GRM2: variants seen among roughly 807,000 people sequenced by gnomAD.
GRM2 encodes glutamate metabotropic receptor 2.
A neutral mutation model predicts 60.4 loss-of-function variants in GRM2; 35 were observed. That is an observed-to-expected ratio of 0.58 (90% confidence interval 0.44 to 0.77). GRM2 has a LOEUF of 0.77. GRM2 is among the 30% of genes least tolerant of loss of function. The pLI is 0.00. For synonymous variants in GRM2, 437 were observed against 484.1 expected (o/e 0.90, Z 1.28); for missense variants, 925 against 1,199.5 (o/e 0.77, Z 3.38).
At position 51,713,439 on chromosome 3, in the gene GRM2, C is replaced by G. The variant is rs1703795954; in HGVS notation, c.1288+129C>G. ...GTAAAGGACTCACCTGGGGTGGCGT[C>G]AGAGCAAGGGCAAGGATGCTAGGCA... On this transcript the variant is annotated intron_variant, in intron 3 of 5. Coordinates refer to ENST00000395052, the MANE Select transcript of GRM2 (RefSeq NM_000839.5). This position sits in a 1 kb window ranked among gnomAD's most constrained non-coding sequence, Gnocchi z 4.8. 1 of 687,518 alleles carries G rather than the reference C, an allele frequency of 1.5e-6. No homozygotes were observed. The allele number at this position is 687,518 out of a possible 1,614,324, so 42.6% of individuals were successfully genotyped here.
intron 2 of GRM2, among the ~76,000 whole-genome samples, chr3:51,710,618 T>G (rs1056352542): frequency 1.7e-5 from 2 of 120,344 alleles, no homozygotes; most frequent in Non-Finnish European, 3.2e-5. Flanking sequence ...AGAAGGAAGA[T>G]AAACAGAATA....
In GRM2 at chr3:51,717,027, A is replaced by T. The variant is rs1318193310; in HGVS notation, c.2365-610A>T. On this transcript the variant is annotated intron_variant, in intron 4 of 5. Transcript: ENST00000395052. The surrounding 1 kb of genome is among the most constrained non-coding windows in gnomAD (Gnocchi z 6.0). Reference sequence around the variant, plus strand: ...AGGGCTGGGGAGGGATTCTGCTCTGACTCAGCCTGCATTTGCATATGATTT... The same window carrying T: ...AGGGCTGGGGAGGGATTCTGCTCTGTCTCAGCCTGCATTTGCATATGATTT... Among the ~76,000 whole-genome samples, 1 of 151,566 alleles carries T rather than the reference A, an allele frequency of 6.6e-6. No individual in the cohort carries two copies.
Position 51,716,123 on chromosome 3 carries a change from T to C in GRM2, c.2350T>C (p.Ser784Pro). The C allele has an allele frequency of 6.2e-7, 1 of 1,607,330 alleles. No individual in the cohort carries two copies. Residue 784 changes from serine to proline, a missense_variant, in exon 4 of 6, where the codon TCC becomes CCC. Physicochemically the swap from Ser to Pro is moderately conservative, Grantham distance 74. Transcript: ENST00000395052. The surrounding 1 kb of genome is among the most constrained non-coding windows in gnomAD (Gnocchi z 4.0). ...LAFLPIFYVT[S>P]SDYRVQTTTM... is the part of the protein sequence containing the mutation. ...ATTCCTGCCCATCTTCTATGTCACC[T>C]CCAGTGACTACCGGGTGAGCTACCT...
In GRM2 at chr3:51,712,945, A is replaced by G. The variant is rs774486355; in HGVS notation, c.923A>G (p.Glu308Gly). Residue 308 changes from glutamate to glycine, a missense_variant, in exon 3 of 6, where the codon GAG becomes GGG. Transcript: ENST00000395052. The surrounding 1 kb of genome is among the most constrained non-coding windows in gnomAD (Gnocchi z 5.3). The stretch of plus-strand genomic sequence containing the variant: ...CTGGAGAGTGTGGTGGCAGGCAGTG[A>G]GGGGGCTGCTGAGGGTGCTATCACC... ...GALESVVAGS[E>G]GAAEGAITIE... The G allele has an allele frequency of 3.7e-6, 6 of 1,612,868 alleles. No homozygotes were observed. The highest frequency in any genetic ancestry group is 1.3e-5 in the African/African-American group (1 of 74,918).
At chr3:51,711,287 C>T (rs1189179800) in intron 2 of GRM2, 1 of 152,342 alleles carries the variant, frequency 6.6e-6, no homozygotes, top group Non-Finnish European at 1.5e-5. Flanking sequence ...GCTGTGCTAG[C>T]ATCTATTTCT....
Position 51,713,594 on chromosome 3 carries a change from A to G in GRM2, c.1288+284A>G. ...CTTGCCCACTGTCTTCTGTCTCCTT[A>G]TCTTGCCAAAGGTGGAGACCAGGAG... On this transcript the variant is annotated intron_variant, in intron 3 of 5. Coordinates refer to ENST00000395052, the MANE Select transcript of GRM2 (RefSeq NM_000839.5). This position sits in a 1 kb window ranked among gnomAD's most constrained non-coding sequence, Gnocchi z 4.8. 1 of 432,552 alleles carries G rather than the reference A, an allele frequency of 2.3e-6. No individual in the cohort carries two copies. Among genetic ancestry groups the G allele is most frequent in the Non-Finnish European group, 4.1e-6 (1 of 241,180 alleles). 26.8% of individuals were successfully genotyped at this position (432,552 alleles called of 1,614,324 possible).
In GRM2 at chr3:51,712,775, G is replaced by A. The variant is rs770537781; in HGVS notation, c.753G>A (p.Glu251=). ...GTGCCATGAGCCGCGCGGCCTTTGAGGGTGTGGTGCGAGCCCTGCTGCAGA... is the reference window on the plus strand; with the variant it reads ...GTGCCATGAGCCGCGCGGCCTTTGAAGGTGTGGTGCGAGCCCTGCTGCAGA... ...VGRAMSRAAF[E]GVVRALLQKP... Residue 251 remains glutamate, a synonymous_variant, in exon 3 of 6, where the codon GAG becomes GAA. Coordinates refer to ENST00000395052, the MANE Select transcript of GRM2 (RefSeq NM_000839.5). This position sits in a 1 kb window ranked among gnomAD's most constrained non-coding sequence, Gnocchi z 5.3. 1 of 1,613,256 alleles carries A rather than the reference G, an allele frequency of 6.2e-7. No homozygotes were observed. The highest frequency in any genetic ancestry group is 8.5e-7 in the Non-Finnish European group (1 of 1,180,050).
chr3:51,715,853 G>A lies in GRM2; in HGVS notation c.2080G>A (p.Val694Met), dbSNP rs373228394. ...ACTTATCTCGGGCCAGCTGCTCATC[G>A]TGGTCGCCTGGCTGGTGGTGGAGGC... ...LALISGQLLI[V>M]VAWLVVEAPG... Residue 694 changes from valine (V) to methionine (M), a missense_variant, in exon 4 of 6, where the codon GTG becomes ATG. Transcript: ENST00000395052. This position sits in a 1 kb window ranked among gnomAD's most constrained non-coding sequence, Gnocchi z 9.0. 2.7e-5 allele frequency: 44 copies of A among 1,613,220 alleles called. No individual in the cohort carries two copies. The highest frequency in any genetic ancestry group is 3.3e-4 in the Middle Eastern group (2 of 6,062).
chr3:51,709,668 TCACA>T (rs55878240), intron 2 of GRM2, among the ~76,000 whole-genome samples: 20 of 55,630 alleles, frequency 3.6e-4, no homozygotes, highest in Admixed American at 6.5e-4. Context: ...ACACACACCC[TCACA>T]CACACACACA....
In GRM2 at chr3:51,715,628, A is replaced by C. The variant is rs1051984893; in HGVS notation, c.1855A>C (p.Met619Leu). 6.2e-7 allele frequency: 1 copy of C among 1,614,244 alleles called. No individual in the cohort carries two copies. The highest frequency in any genetic ancestry group is 1.3e-5 in the African/African-American group (1 of 75,078). ...LLGGVFLCYC[M>L]TFIFIAKPST... is the part of the protein sequence containing the mutation. ...GGGTGGTGTCTTCCTCTGCTACTGC[A>C]TGACCTTCATCTTCATTGCCAAGCC... Residue 619 changes from methionine to leucine, a missense_variant, in exon 4 of 6, where the codon ATG (methionine) becomes CTG (leucine). Transcript: ENST00000395052. This position sits in a 1 kb window ranked among gnomAD's most constrained non-coding sequence, Gnocchi z 9.0.
rs936076407 is a variant in GRM2 at position 51,713,042 on chromosome 3, C to T, written c.1020C>T (p.Ser340=). ...AGAGCCTGGACCCTTGGAACAACAGCCGGAACCCCTGGTTCCGTGAATTCT... is the reference window on the plus strand; with the variant it reads ...AGAGCCTGGACCCTTGGAACAACAGTCGGAACCCCTGGTTCCGTGAATTCT... The part of the protein sequence containing the change: ...YFQSLDPWNN[S]RNPWFREFWE... Residue 340 remains serine, a synonymous_variant, in exon 3 of 6, where the codon AGC becomes AGT. Transcript: ENST00000395052. This position sits in a 1 kb window ranked among gnomAD's most constrained non-coding sequence, Gnocchi z 4.8. The T allele has an allele frequency of 1.9e-6, 3 of 1,613,140 alleles. No homozygotes were observed. Among genetic ancestry groups the T allele is most frequent in the African/African-American group, 2.7e-5 (2 of 74,944 alleles).
chr3:51,717,787 G>C lies in GRM2; in HGVS notation c.2515G>C (p.Ala839Pro), dbSNP rs975323042. The C allele has an allele frequency of 1.2e-6, 2 of 1,613,826 alleles. No individual in the cohort carries two copies. Among genetic ancestry groups the C allele is most frequent in the Admixed American group, 3.3e-5 (2 of 60,002 alleles). ...RAPTSRFGSA[A>P]ARASSSLGQG... ...ACCCACCAGCCGCTTTGGCAGTGCT[G>C]CTGCCAGGGCCAGCTCCAGCCTTGG... Residue 839 changes from alanine to proline, a missense_variant, in exon 5 of 6, where the codon GCT becomes CCT. By Grantham distance (27) the Ala-to-Pro change is conservative. Transcript: ENST00000395052. This position sits in a 1 kb window ranked among gnomAD's most constrained non-coding sequence, Gnocchi z 6.0.
Position 51,712,965 on chromosome 3 carries a change from A to G in GRM2, c.943A>G (p.Ile315Val), listed in dbSNP as rs143181148. Residue 315 changes from isoleucine (I) to valine (V), a missense_variant, in exon 3 of 6, where the codon ATC becomes GTC. Ile to Val is a conservative substitution (Grantham distance 29). Coordinates refer to ENST00000395052, the MANE Select transcript of GRM2 (RefSeq NM_000839.5). This position sits in a 1 kb window ranked among gnomAD's most constrained non-coding sequence, Gnocchi z 5.3. ...AGSEGAAEGA[I>V]TIELASYPIS... ...CAGTGAGGGGGCTGCTGAGGGTGCT[A>G]TCACCATCGAGCTGGCCTCCTACCC... is the stretch of plus-strand genomic sequence containing the variant. 9.4e-4 allele frequency: 1,521 copies of G among 1,613,154 alleles called. 2 individuals are homozygous for G. Among genetic ancestry groups the G allele is most frequent in the Admixed American group, 1.5e-3 (91 of 60,030 alleles).
Position 51,717,675 on chromosome 3 carries a change from C to T in GRM2, c.2403C>T (p.Ser801=), listed in dbSNP as rs367896510. 81 of 1,613,680 alleles carry T rather than the reference C, an allele frequency of 5.0e-5. No individual in the cohort carries two copies. The African/African-American group carries it at 7.2e-4, about 14-fold the overall frequency. The change falls in exon 5 of 6, where the codon AGC becomes AGT. Residue 801 remains serine, a synonymous_variant. Transcript: ENST00000395052. The surrounding 1 kb of genome is among the most constrained non-coding windows in gnomAD (Gnocchi z 6.0). ...TTTMCVSVSL[S]GSVVLGCLFA... The stretch of plus-strand genomic sequence containing the variant: ...CCATGTGCGTGTCAGTCAGCCTCAG[C>T]GGCTCCGTGGTGCTTGGCTGCCTCT...
At chr3:51,709,668 T>A (rs1302900407) in intron 2 of GRM2, among the ~76,000 whole-genome samples, 4 of 55,614 alleles carry the variant, frequency 7.2e-5, no homozygotes, top group East Asian at 5.3e-4. Flanking sequence ...ACACACACCC[T>A]CACACACACA....
chr3:51,713,054 G>A lies in GRM2; in HGVS notation c.1032G>A (p.Trp344Ter), dbSNP rs1394900152. The change falls in exon 3 of 6, where the codon TGG (tryptophan) becomes TGA (stop). Residue 344 changes from tryptophan (W) to a stop codon, truncating the protein, a stop_gained. Transcript: ENST00000395052. LOFTEE classifies it high-confidence loss of function. This position sits in a 1 kb window ranked among gnomAD's most constrained non-coding sequence, Gnocchi z 4.8. The part of the protein sequence containing the change: ...LDPWNNSRNP[W>*]FREFWEQRFR... ...CTTGGAACAACAGCCGGAACCCCTG[G>A]TTCCGTGAATTCTGGGAGCAGAGGT... 3.7e-6 allele frequency: 6 copies of A among 1,613,238 alleles called. No individual in the cohort carries two copies. The highest frequency in any genetic ancestry group is 5.1e-6 in the Non-Finnish European group (6 of 1,180,030).
intron 2 of GRM2, among the ~76,000 whole-genome samples, chr3:51,709,986 A>G (rs1489909656): frequency 7.0e-6 from 1 of 142,372 alleles, no homozygotes; most frequent in Non-Finnish European, 1.5e-5. Context: ...GATTCACAAC[A>G]CTTTTTTTTT....
At chr3:51,710,120 G>A (rs932062048) in intron 2 of GRM2, among the ~76,000 whole-genome samples, 1 of 151,778 alleles carries the variant, frequency 6.6e-6, no homozygotes, top group Non-Finnish European at 1.5e-5. Flanking sequence ...CTCCCAAGTA[G>A]CTGGGATTAC....
intron 3 of GRM2, 75 bp from the exon 4 acceptor site, chr3:51,714,987 G>A (rs1333127318): frequency 1.1e-6 from 1 of 913,516 alleles, no homozygotes; most frequent in African/African-American, 1.7e-5. Context: ...TGGGTTCCAT[G>A]TTAGGGTGAA....
Sources: gnomAD v4.1 joint callset for allele counts (sites outside exome capture counted in the v4.1 genomes callset) on GRCh38, gnomAD v4.1.1 for gene constraint, Gnocchi (gnomAD v3.1) non-coding constraint, MANE v1.5 for transcripts, NCBI Gene and HGNC (gene_info 2026-07-23, HGNC 2026-07-21) for gene names.